KSR2: variants seen among roughly 807,000 people sequenced by gnomAD.
KSR2 encodes kinase suppressor of ras 2.
KSR2 carries 25 observed loss-of-function variants against 107.8 expected under a neutral mutation model. The ratio of observed to expected loss-of-function variants is 0.23; its 90% CI spans 0.17 to 0.32. KSR2 has a LOEUF of 0.32. Ranked by LOEUF, KSR2 falls within the 10% of genes least tolerant of loss-of-function variation. The pLI is 1.00. For missense variants in KSR2, 887 were observed against 1,268.9 expected (o/e 0.70, Z 4.57); for synonymous variants, 480 against 507.0 (o/e 0.95, Z 0.71).
At chr12:117,772,372 C>G (rs1287530714) in intron 3 of KSR2, among the ~76,000 whole-genome samples, 7 of 145,464 alleles carry the variant, frequency 4.8e-5, no homozygotes, top group African/African-American at 1.8e-4. Flanking sequence ...CACACTCACA[C>G]ATACACACCA....
At position 117,579,218 on chromosome 12, in the gene KSR2, A is replaced by G. The variant is rs758081496; in HGVS notation, c.1242-16T>C. On this transcript the variant is annotated splice_polypyrimidine_tract_variant and intron_variant, in intron 6 of 19. Coordinates refer to ENST00000339824, the MANE Select transcript of KSR2 (RefSeq NM_173598.6). ...GGTGGAAAACCTGTGGAAAAGAGAC[A>G]GAAAATGTTCAAGGTTAAGGAAATG... 1 of 1,596,856 alleles carries G rather than the reference A, an allele frequency of 6.3e-7. No individual in the cohort carries two copies.
intron 3 of KSR2, among the ~76,000 whole-genome samples, chr12:117,839,290 T>C (rs1471426917): frequency 6.6e-6 from 1 of 152,238 alleles, no homozygotes; most frequent in Non-Finnish European, 1.5e-5. Context: ...AAGTAGTTTG[T>C]AGGAAATGAA....
chr12:117,730,013 G>A (rs956283130), intron 4 of KSR2, among the ~76,000 whole-genome samples: 11 of 152,282 alleles, frequency 7.2e-5, no homozygotes, highest in African/African-American at 2.6e-4. Flanking sequence ...TTCCGAAAGG[G>A]CCAAATGGTA....
chr12:117,904,225 C>T (rs1894773293), intron 1 of KSR2, among the ~76,000 whole-genome samples: 1 of 152,176 alleles, frequency 6.6e-6, no homozygotes, highest in African/African-American at 2.4e-5. Context: ...CTTAATCAGA[C>T]CCTCAGGGGT....
At chr12:117,837,466 T>A (rs1461610816) in intron 3 of KSR2, among the ~76,000 whole-genome samples, 1 of 152,130 alleles carries the variant, frequency 6.6e-6, no homozygotes, top group African/African-American at 2.4e-5. Context: ...GCCCTGGTCG[T>A]ATGGTGTCCA....
At chr12:117,852,886 C>A (rs539457092) in intron 3 of KSR2, among the ~76,000 whole-genome samples, 2 of 152,304 alleles carry the variant, frequency 1.3e-5, no homozygotes, top group African/African-American at 4.8e-5. Flanking sequence ...ACTGCAACCT[C>A]CACCTCCCAG....
chr12:117,755,030 A>G (rs1257419355), intron 4 of KSR2, among the ~76,000 whole-genome samples: 2 of 152,232 alleles, frequency 1.3e-5, no homozygotes, highest in Non-Finnish European at 2.9e-5. Context: ...GGGGTGAAGG[A>G]GAGAAGAAAC....
intron 3 of KSR2, among the ~76,000 whole-genome samples, chr12:117,768,188 C>T (rs2136900781): frequency 6.6e-6 from 1 of 152,354 alleles, no homozygotes; most frequent in East Asian, 1.9e-4. Flanking sequence ...AACTCCTGCT[C>T]ATGCCGAGGA....
intron 17 of KSR2, among the ~76,000 whole-genome samples, chr12:117,472,062 C>T (rs1306870776): frequency 6.6e-6 from 1 of 151,676 alleles, no homozygotes; most frequent in Non-Finnish European, 1.5e-5. Flanking sequence ...GGGTTCAAGT[C>T]CTGATTCTAT....
chr12:117,702,623 C>T (rs548067072), intron 4 of KSR2, among the ~76,000 whole-genome samples: 3 of 152,230 alleles, frequency 2.0e-5, no homozygotes, highest in East Asian at 3.9e-4. Context: ...GGTGTCAAAC[C>T]GGGACATTGA....
At chr12:117,611,690 T>G (rs1351598496) in intron 5 of KSR2, among the ~76,000 whole-genome samples, 1 of 152,152 alleles carries the variant, frequency 6.6e-6, no homozygotes, top group African/African-American at 2.4e-5. Flanking sequence ...TGGGAACCTC[T>G]TATAACAATC....
intron 4 of KSR2, among the ~76,000 whole-genome samples, chr12:117,722,121 G>A (rs564858392): frequency 1.1e-3 from 166 of 152,054 alleles, no homozygotes; most frequent in African/African-American, 3.8e-3. Context: ...TGATCCTCCC[G>A]CCTCGTTCTC....
At chr12:117,612,732 C>T (rs1881671023) in intron 5 of KSR2, among the ~76,000 whole-genome samples, 1 of 152,206 alleles carries the variant, frequency 6.6e-6, no homozygotes, top group South Asian at 2.1e-4. Context: ...TATGGTTTGG[C>T]TCTGTGTCCC....
At chr12:117,744,248 T>C (rs576338007) in intron 4 of KSR2, among the ~76,000 whole-genome samples, 7 of 152,290 alleles carry the variant, frequency 4.6e-5, no homozygotes, top group African/African-American at 1.7e-4. Flanking sequence ...TAATAACTAC[T>C]TCTCCTGTTT....
At chr12:117,756,676 T>A (rs955119072) in intron 4 of KSR2, among the ~76,000 whole-genome samples, 4 of 152,216 alleles carry the variant, frequency 2.6e-5, no homozygotes, top group African/African-American at 9.6e-5. Context: ...ATCTTTCAAG[T>A]CTTATTATTT....
chr12:117,609,554 T>G (rs1303568029), intron 5 of KSR2, among the ~76,000 whole-genome samples: 2 of 152,222 alleles, frequency 1.3e-5, no homozygotes, highest in African/African-American at 2.4e-5. Context: ...CATGGAAAAT[T>G]TATATGAAAT....
rs1240627368 is a variant in KSR2 at position 117,458,591 on chromosome 12, A to T, written c.*8608T>A. The T allele has an allele frequency of 6.6e-6, 1 of 152,186 alleles. No homozygotes were observed. Among genetic ancestry groups the T allele is most frequent in the African/African-American group, 2.4e-5 (1 of 41,448 alleles). 9.4% of individuals were successfully genotyped at this position (152,186 alleles called of 1,614,324 possible). ...TACATGGCAGCTATTTTTCATCTCTACAATTGTGCAACTTTCTCCTCAGTT... is the reference window on the plus strand; with the variant it reads ...TACATGGCAGCTATTTTTCATCTCTTCAATTGTGCAACTTTCTCCTCAGTT... On this transcript the variant is annotated 3_prime_UTR_variant, in exon 20 of 20. Coordinates refer to ENST00000339824, the MANE Select transcript of KSR2 (RefSeq NM_173598.6).
intron 1 of KSR2, among the ~76,000 whole-genome samples, chr12:117,887,838 C>T (rs1894221903): frequency 6.6e-6 from 1 of 152,216 alleles, no homozygotes; most frequent in Admixed American, 6.5e-5. Flanking sequence ...CTCTCCTCCA[C>T]TGGCCACCCC....
At chr12:117,767,250 A>G (rs1889267999) in intron 3 of KSR2, among the ~76,000 whole-genome samples, 1 of 98,474 alleles carries the variant, frequency 1.0e-5, no homozygotes, top group Non-Finnish European at 1.9e-5. Flanking sequence ...CGTCTCTACT[A>G]AAAATCCAAA....
Sources: gnomAD v4.1 joint callset for allele counts (sites outside exome capture counted in the v4.1 genomes callset) on GRCh38, gnomAD v4.1.1 for gene constraint, MANE v1.5 for transcripts, NCBI Gene and HGNC (gene_info 2026-07-23, HGNC 2026-07-21) for gene names.